The following DCP1A variants were observed in gnomAD, a reference collection of about 807,000 sequenced individuals.
The protein encoded by DCP1A is mRNA-decapping enzyme 1A.
In DCP1A, 20 loss-of-function variants were observed where a neutral mutation model predicts 58.0. That is an observed-to-expected ratio of 0.34 (90% CI 0.24 to 0.50). The LOEUF (loss-of-function observed/expected upper bound fraction) is 0.50. Ranked by LOEUF, DCP1A falls within the 20% of genes least tolerant of loss-of-function variation. The probability of loss-of-function intolerance (pLI) is 0.98; values close to 1 mark genes in which losing one functional copy is unlikely to be tolerated. For missense variants in DCP1A, 613 were observed against 712.2 expected, an observed-to-expected ratio of 0.86 and a Z score of 1.59; for synonymous variants, 285 against 275.1, an observed-to-expected ratio of 1.04 and a Z score of -0.36.
chr3:53,289,501 A>C (rs529532334), intron 8 of DCP1A, among the ~76,000 whole-genome samples: 1 of 151,320 alleles, frequency 6.6e-6, no homozygotes, highest in Non-Finnish European at 1.5e-5. Flanking sequence ...AATCCCAGCT[A>C]CTTGGGACGC....
At chr3:53,295,559 T>C (rs1313102013) in intron 6 of DCP1A, among the ~76,000 whole-genome samples, 3 of 152,132 alleles carry the variant, frequency 2.0e-5, no homozygotes, top group Non-Finnish European at 4.4e-5. Context: ...TTTTTCTTTC[T>C]CTTTTTTTTG....
chr3:53,318,512 C>T (rs1460559743), intron 4 of DCP1A, among the ~76,000 whole-genome samples: 3 of 152,114 alleles, frequency 2.0e-5, no homozygotes, highest in Admixed American at 2.0e-4. Context: ...CAGAGGTGCA[C>T]CAGAATATAC....
At chr3:53,305,118 A>G (rs1707430417) in intron 5 of DCP1A, among the ~76,000 whole-genome samples, 1 of 152,158 alleles carries the variant, frequency 6.6e-6, no homozygotes, top group African/African-American at 2.4e-5. Context: ...ATGAAATATA[A>G]GTAGAATGCC....
chr3:53,317,038 C>T (rs560001869), intron 4 of DCP1A, among the ~76,000 whole-genome samples: 1 of 152,314 alleles, frequency 6.6e-6, no homozygotes, highest in South Asian at 2.1e-4. Context: ...GATCATTTCA[C>T]TCAAAGCCCA....
chr3:53,288,486 C>A lies in DCP1A; in HGVS notation c.1450-203G>T, dbSNP rs950982401. On this transcript the variant is annotated intron_variant, in intron 8 of 9. Transcript: ENST00000610213. ...CTTCCATTAGCTAAAGGATGACCAG[C>A]CCATTTATGTAAGAATGTCCTAGAA... The A allele has an allele frequency of 4.0e-5, 23 of 578,032 alleles. No homozygotes were observed. In the South Asian group the frequency reaches 4.6e-4, roughly 12 times the overall value. 35.8% of individuals were successfully genotyped at this position (578,032 alleles called of 1,614,324 possible).
intron 5 of DCP1A, among the ~76,000 whole-genome samples, chr3:53,307,305 G>A (rs1439809605): frequency 6.6e-6 from 1 of 152,126 alleles, no homozygotes; most frequent in Non-Finnish European, 1.5e-5. Flanking sequence ...GCCTTCCAAA[G>A]TGCTGGAAGC....
In DCP1A at chr3:53,344,937, C is replaced by T. The variant is rs781810835; in HGVS notation, c.141G>A (p.Lys47=). Residue 47 remains lysine, a synonymous_variant, in exon 2 of 10, where the codon AAG becomes AAA. Transcript: ENST00000610213. ...CGAATAAGGTCCCTTCTATATCAGTCTTCTCCTATGAAAGACAATGACTCA... is the reference window on the plus strand; with the variant it reads ...CGAATAAGGTCCCTTCTATATCAGTTTTCTCCTATGAAAGACAATGACTCA... ...TFCPKANQWE[K]TDIEGTLFVY... 1 of 1,603,424 alleles carries T rather than the reference C, an allele frequency of 6.2e-7. No homozygotes were observed. Among genetic ancestry groups the T allele is most frequent in the Non-Finnish European group, 8.5e-7 (1 of 1,175,156 alleles).
chr3:53,304,157 A>C lies in DCP1A; in HGVS notation c.624+20T>G. ...ACTCTTTGTTACTTAGGACAAAGCT[A>C]GAGCTTTAGCTGTACAAACCTTATC... is the stretch of plus-strand genomic sequence containing the variant. On this transcript the variant is annotated intron_variant, in intron 6 of 9. Transcript: ENST00000610213. 78 of 1,538,790 alleles carry C rather than the reference A, an allele frequency of 5.1e-5. No individual in the cohort carries two copies. The highest frequency in any genetic ancestry group is 6.3e-5 in the Non-Finnish European group (70 of 1,115,416).
At chr3:53,312,451 C>A in intron 4 of DCP1A, 72 bp from the exon 5 acceptor site, 36 of 1,207,554 alleles carry the variant, frequency 3.0e-5, no homozygotes, top group Non-Finnish European at 3.7e-5. Flanking sequence ...TTTTGGTGTT[C>A]ATCTTCCAAG....
intron 5 of DCP1A, among the ~76,000 whole-genome samples, chr3:53,307,748 C>T (rs1179558065): frequency 2.6e-5 from 4 of 152,064 alleles, no homozygotes; most frequent in Admixed American, 2.0e-4. Flanking sequence ...CATAAAAATG[C>T]TTTGATCTAC....
At chr3:53,287,902 G>A (rs1553685349) in intron 9 of DCP1A, among the ~76,000 whole-genome samples, 163 bp downstream of exon 9, 1 of 150,162 alleles carries the variant, frequency 6.7e-6, no homozygotes, top group Non-Finnish European at 1.5e-5. Flanking sequence ...TTTTTTGCCT[G>A]CCTTGGCCTC....
intron 5 of DCP1A, among the ~76,000 whole-genome samples, chr3:53,305,971 G>A (rs1225404129): frequency 1.4e-4 from 22 of 152,146 alleles, no homozygotes; most frequent in African/African-American, 5.3e-4. Flanking sequence ...GAATATTTGT[G>A]CTATCTGATC....
rs2106836844 is a variant in DCP1A at position 53,312,950 on chromosome 3, A to G, written c.372-571T>C. Among the ~76,000 whole-genome samples, 2 of 152,316 alleles carry G rather than the reference A, an allele frequency of 1.3e-5. 1 individual carries two copies. Among genetic ancestry groups the G allele is most frequent in the South Asian group, 4.1e-4 (2 of 4,828 alleles). On this transcript the variant is annotated intron_variant, in intron 4 of 9. Coordinates refer to ENST00000610213, the MANE Select transcript of DCP1A (RefSeq NM_018403.7). ...CCTAGAGTTGGCAGAGATGCATTACAAACTCCACTAAGGTTTCTCCCTTTT... is the reference window on the plus strand; with the variant it reads ...CCTAGAGTTGGCAGAGATGCATTACGAACTCCACTAAGGTTTCTCCCTTTT...
intron 3 of DCP1A, among the ~76,000 whole-genome samples, chr3:53,334,210 G>A (rs1180998024): frequency 1.3e-5 from 2 of 152,162 alleles, no homozygotes; most frequent in Admixed American, 6.5e-5. Context: ...GCTGCAGAGA[G>A]CCATGATGGT....
chr3:53,308,771 A>AT (rs1230948894), intron 5 of DCP1A, among the ~76,000 whole-genome samples: 18 of 150,708 alleles, frequency 1.2e-4, no homozygotes, highest in African/African-American at 3.9e-4. Context: ...TTAAAAAAAA[A>AT]TTTTTTTTTG....
At position 53,285,572 on chromosome 3, in the gene DCP1A, T is replaced by TAA. The variant is rs1706603721; in HGVS notation, c.*2007_*2008insTT. 1 of 152,262 alleles carries TAA rather than the reference T, an allele frequency of 6.6e-6. No individual in the cohort carries two copies. The highest frequency in any genetic ancestry group is 2.1e-4 in the South Asian group (1 of 4,828). The allele number at this position is 152,262 out of a possible 1,614,324, so 9.4% of individuals were successfully genotyped here. Reference sequence around the variant, plus strand: ...AAGCCTTATCATAGATGCTCTTTACTGTCTATCATATCCATTCCTAGCATT... The same window carrying TAA: ...AAGCCTTATCATAGATGCTCTTTACTAAGTCTATCATATCCATTCCTAGCATT... On this transcript the variant is annotated 3_prime_UTR_variant, in exon 10 of 10. Coordinates refer to ENST00000610213, the MANE Select transcript of DCP1A (RefSeq NM_018403.7).
chr3:53,340,443 T>TATTTTAAA, intron 3 of DCP1A, among the ~76,000 whole-genome samples: 1 of 152,346 alleles, frequency 6.6e-6, no homozygotes, highest in South Asian at 2.1e-4. Context: ...CTTCAAAGTG[T>TATTTTAAA]GCTACGGAAA....
chr3:53,312,338 C>A lies in DCP1A; in HGVS notation c.413G>T (p.Arg138Leu). The change falls in exon 5 of 10, where the codon CGG (arginine) becomes CTG (leucine). Residue 138 changes from arginine (R) to leucine (L), a missense_variant. Coordinates refer to ENST00000610213, the MANE Select transcript of DCP1A (RefSeq NM_018403.7). ...GGCCTGGCTGGGACTCTGTTTGTCC[C>A]GAGCAGCTTGCTGGGATCGCCGTGT... ...EETRRSQQAA[R>L]DKQSPSQANG... The A allele has an allele frequency of 6.2e-7, 1 of 1,612,744 alleles. No homozygotes were observed. The highest frequency in any genetic ancestry group is 8.5e-7 in the Non-Finnish European group (1 of 1,179,446).
intron 6 of DCP1A, among the ~76,000 whole-genome samples, chr3:53,298,482 G>A (rs1707203650): frequency 6.6e-6 from 1 of 152,176 alleles, no homozygotes; most frequent in Non-Finnish European, 1.5e-5. Context: ...TGCTTACTAT[G>A]TGGGAGGCGA....
Sources: allele counts gnomAD v4.1 joint callset (sites outside exome capture counted in the v4.1 genomes callset), GRCh38; gene constraint gnomAD v4.1.1; transcripts MANE v1.5; gene names NCBI Gene and HGNC (gene_info 2026-07-23, HGNC 2026-07-21).